Variants in TPP2 observed in about 807,000 individuals in gnomAD.
The protein encoded by TPP2 is tripeptidyl peptidase 2.
In TPP2, 34 loss-of-function variants were observed where a neutral mutation model predicts 155.9. The ratio of observed to expected loss-of-function variants is 0.22; its 90% confidence interval spans 0.17 to 0.29. TPP2 has a LOEUF of 0.29. Ranked by LOEUF, TPP2 falls within the 10% of genes least tolerant of loss-of-function variation. The pLI is 1.00. For missense variants in TPP2, 1,028 were observed against 1,522.3 expected, an observed-to-expected ratio of 0.68 and a Z score of 5.40; for synonymous variants, 510 against 529.4, an observed-to-expected ratio of 0.96 and a Z score of 0.50.
intron 6 of TPP2, among the ~76,000 whole-genome samples, chr13:102,625,944 G>C (rs1261943993): frequency 6.6e-6 from 1 of 152,150 alleles, no homozygotes; most frequent in Non-Finnish European, 1.5e-5. Flanking sequence ...TCACTAAAAG[G>C]CTAGTTTTTT....
intron 5 of TPP2, among the ~76,000 whole-genome samples, chr13:102,622,440 A>G (rs1881233292): frequency 6.6e-6 from 1 of 152,252 alleles, no homozygotes; most frequent in African/African-American, 2.4e-5. Flanking sequence ...TGTTATAACT[A>G]TAGGACTGAA....
intron 27 of TPP2, among the ~76,000 whole-genome samples, chr13:102,672,269 CAA>C (rs1325261573): frequency 6.6e-6 from 1 of 152,182 alleles, no homozygotes; most frequent in Non-Finnish European, 1.5e-5. Context: ...GAATTAATGA[CAA>C]AAGCTTGGAG....
intron 1 of TPP2, among the ~76,000 whole-genome samples, chr13:102,598,577 G>A (rs1595121934): frequency 6.6e-6 from 1 of 152,210 alleles, no homozygotes; most frequent in South Asian, 2.1e-4. Flanking sequence ...AACAATGACA[G>A]CTATCAACTC....
At chr13:102,656,565 G>C (rs1017407233) in intron 24 of TPP2, among the ~76,000 whole-genome samples, 4 of 152,124 alleles carry the variant, frequency 2.6e-5, no homozygotes, top group East Asian at 3.9e-4. Context: ...CATCTGGTCT[G>C]TTCTTTACCT....
intron 10 of TPP2, 97 bp downstream of exon 10, chr13:102,630,292 C>T: frequency 1.1e-6 from 1 of 877,304 alleles, no homozygotes; most frequent in Non-Finnish European, 1.7e-6. Flanking sequence ...TAGTTTTTTT[C>T]TGTTGGTTTT....
chr13:102,653,627 C>T (rs564186150), intron 24 of TPP2, among the ~76,000 whole-genome samples: 36 of 152,256 alleles, frequency 2.4e-4, no homozygotes, highest in African/African-American at 6.7e-4. Flanking sequence ...AACTCCCGGC[C>T]TCGGACGATC....
intron 25 of TPP2, among the ~76,000 whole-genome samples, chr13:102,663,127 TTTA>T (rs200332522): frequency 0.18 from 19,173 of 107,716 alleles, 1,348 homozygotes; most frequent in African/African-American, 0.33. Context: ...GATTTATTTA[TTTA>T]TTTTTTTTAA....
intron 10 of TPP2, among the ~76,000 whole-genome samples, chr13:102,632,695 A>G (rs917971474): frequency 1.3e-5 from 2 of 152,230 alleles, no homozygotes; most frequent in African/African-American, 4.8e-5. Flanking sequence ...ACCAATGCTC[A>G]TTCTGAACAC....
At chr13:102,678,191 T>C (rs1429950100) in intron 29 of TPP2, 36 bp from the exon 30 acceptor site, 4 of 1,558,402 alleles carry the variant, frequency 2.6e-6, no homozygotes. Context: ...ATCTGTCACT[T>C]CCTTTATAAT....
chr13:102,643,390 T>G lies in TPP2; in HGVS notation c.2175+14T>G, dbSNP rs570557712. 2 of 1,588,728 alleles carry G rather than the reference T, an allele frequency of 1.3e-6. No individual in the cohort carries two copies. The highest frequency in any genetic ancestry group is 2.7e-5 in the African/African-American group (2 of 73,334). On this transcript the variant is annotated intron_variant, in intron 17 of 29. Transcript: ENST00000376052. ...TTTCCTGTCCTAGTAAGTTTAATTATAGTTTATAATCCTAACACAATTTAT... is the reference window on the plus strand; with the variant it reads ...TTTCCTGTCCTAGTAAGTTTAATTAGAGTTTATAATCCTAACACAATTTAT...
At position 102,670,185 on chromosome 13, in the gene TPP2, G is replaced by A. The variant is rs192003866; in HGVS notation, c.3372-4098G>A. Among the ~76,000 whole-genome samples, 371 of 151,870 alleles carry A rather than the reference G, an allele frequency of 2.4e-3. 3 individuals are homozygous for A. Among genetic ancestry groups the A allele is most frequent in the African/African-American group, 7.5e-3 (311 of 41,398 alleles). On this transcript the variant is annotated intron_variant, in intron 27 of 29. Coordinates refer to ENST00000376052, the MANE Select transcript of TPP2 (RefSeq NM_001330588.2). The stretch of plus-strand genomic sequence containing the variant: ...GGTATTGTGGGTGGGGGGGTGTGGC[G>A]GTGAACCACTTTTGTAGGCATAACT...
In TPP2 at chr13:102,663,763, G is replaced by A. The variant is rs7334625; in HGVS notation, c.3240+19G>A. The A allele has an allele frequency of 0.47, 732,786 of 1,543,692 alleles. 175,917 individuals are homozygous for A. Among genetic ancestry groups the A allele is most frequent in the African/African-American group, 0.6 (43,042 of 71,694 alleles). Reference sequence around the variant, plus strand: ...TGAAAAGGTTAGACATGTTCATTCTGATATATCTTATTTTGTTTGTAATTA... The same window carrying A: ...TGAAAAGGTTAGACATGTTCATTCTAATATATCTTATTTTGTTTGTAATTA... On this transcript the variant is annotated intron_variant, in intron 26 of 29. Coordinates refer to ENST00000376052, the MANE Select transcript of TPP2 (RefSeq NM_001330588.2).
At chr13:102,617,115 C>T (rs1402229079) in intron 4 of TPP2, among the ~76,000 whole-genome samples, 3 of 151,786 alleles carry the variant, frequency 2.0e-5, no homozygotes, top group Admixed American at 6.6e-5. Flanking sequence ...AGGGTTTCAC[C>T]GTGTTGGCCA....
At position 102,648,937 on chromosome 13, in the gene TPP2, A is replaced by G. The variant is rs761251607; in HGVS notation, c.2659A>G (p.Thr887Ala). The G allele has an allele frequency of 2.5e-6, 4 of 1,607,048 alleles. No individual in the cohort carries two copies. The highest frequency in any genetic ancestry group is 2.2e-5 in the South Asian group (2 of 89,130). Residue 887 changes from threonine (T) to alanine (A), a missense_variant, in exon 22 of 30, where the codon ACA (threonine) becomes GCA (alanine). Physicochemically the swap from Thr to Ala is moderately conservative, Grantham distance 58. Coordinates refer to ENST00000376052, the MANE Select transcript of TPP2 (RefSeq NM_001330588.2). Reference protein sequence around the residue: ...YSLKLEKGDYTIRLQIRHEQI... With the variant: ...YSLKLEKGDYAIRLQIRHEQI... ...TTTGAAACTGGAGAAAGGAGATTAT[A>G]CAATTCGACTACAGATTCGCCATGA... is the stretch of plus-strand genomic sequence containing the variant.
Position 102,663,720 on chromosome 13 carries a change from A to G in TPP2, c.3216A>G (p.Arg1072=), listed in dbSNP as rs1174616409. 2 of 1,603,372 alleles carry G rather than the reference A, an allele frequency of 1.2e-6. No homozygotes were observed. The change falls in exon 26 of 30, where the codon CGA becomes CGG. Residue 1072 remains arginine (R), a synonymous_variant. Coordinates refer to ENST00000376052, the MANE Select transcript of TPP2 (RefSeq NM_001330588.2). The part of the protein sequence containing the change: ...YPNYLPLYVA[R]LHQLDAEKER... The stretch of plus-strand genomic sequence containing the variant: ...ATTATCTTCCTCTGTACGTTGCACG[A>G]CTTCATCAATTGGATGCTGAAAAGG...
intron 23 of TPP2, among the ~76,000 whole-genome samples, chr13:102,651,094 C>T (rs586033): frequency 0.5 from 75,434 of 151,994 alleles, 19,116 homozygotes; most frequent in African/African-American, 0.6. Context: ...CTTTTATAAG[C>T]AATAGATTTT....
At position 102,640,250 on chromosome 13, in the gene TPP2, T is replaced by G; in HGVS notation, c.1914-20T>G. 2 of 1,504,442 alleles carry G rather than the reference T, an allele frequency of 1.3e-6. No individual in the cohort carries two copies. The highest frequency in any genetic ancestry group is 2.5e-5 in the South Asian group (2 of 81,244). The allele number at this position is 1,504,442 out of a possible 1,614,324, so 93.2% of individuals were successfully genotyped here. A position where few individuals can be genotyped will look rare whatever the true frequency, so the allele number is the denominator to read the frequency against. On this transcript the variant is annotated intron_variant, in intron 15 of 29. Coordinates refer to ENST00000376052, the MANE Select transcript of TPP2 (RefSeq NM_001330588.2). The stretch of plus-strand genomic sequence containing the variant: ...TCTTATAATAAATATATACATTTAA[T>G]TACTTTTATTAATTTTCAGAGTAAA...
intron 5 of TPP2, among the ~76,000 whole-genome samples, chr13:102,622,335 A>G (rs1364150176): frequency 1.3e-5 from 2 of 152,270 alleles, no homozygotes; most frequent in African/African-American, 4.8e-5. Context: ...AATATAATTT[A>G]AAAACTATTT....
At chr13:102,605,696 T>C (rs1879770354) in intron 2 of TPP2, among the ~76,000 whole-genome samples, 2 of 151,536 alleles carry the variant, frequency 1.3e-5, no homozygotes, top group Non-Finnish European at 2.9e-5. Flanking sequence ...TGGCCAGCTT[T>C]GTCTTTTTTT....
Sources: gnomAD v4.1 joint callset for allele counts (sites outside exome capture counted in the v4.1 genomes callset) on GRCh38, gnomAD v4.1.1 for gene constraint, MANE v1.5 for transcripts, NCBI Gene and HGNC (gene_info 2026-07-23, HGNC 2026-07-21) for gene names.